The following OPCML variants were observed in gnomAD, a reference collection of about 807,000 sequenced individuals.
The protein encoded by OPCML is opioid binding protein/cell adhesion molecule like.
A neutral mutation model predicts 37.8 loss-of-function variants in OPCML; 13 were observed. The observed-to-expected ratio is 0.34, with a 90% CI of 0.22 to 0.55. The LOEUF (loss-of-function observed/expected upper bound fraction) is 0.55, where lower values mean the gene tolerates loss of function less well. Among genes scored for constraint, OPCML ranks in the 20% least tolerant of loss-of-function variants. The pLI is 0.91. For synonymous variants in OPCML, 176 were observed against 168.8 expected, an observed-to-expected ratio of 1.04 and a Z score of -0.33; for missense variants, 341 against 435.6, an observed-to-expected ratio of 0.78 and a Z score of 1.93.
At chr11:133,068,968 C>T (rs1014595325) in intron 1 of OPCML, among the ~76,000 whole-genome samples, 3 of 152,160 alleles carry the variant, frequency 2.0e-5, no homozygotes, top group African/African-American at 7.2e-5. Context: ...CAAACAGAAT[C>T]AGGAGAGAGT....
chr11:132,690,272 G>C (rs1943345261), intron 2 of OPCML, among the ~76,000 whole-genome samples: 1 of 152,162 alleles, frequency 6.6e-6, no homozygotes, highest in South Asian at 2.1e-4. Context: ...GTGCATCCGA[G>C]TCATCTGGAA....
intron 2 of OPCML, among the ~76,000 whole-genome samples, chr11:132,840,986 T>G (rs967633727): frequency 6.6e-6 from 1 of 152,122 alleles, no homozygotes; most frequent in African/African-American, 2.4e-5. Context: ...GGCTGTGTGA[T>G]CTTAGGGATG....
At chr11:132,446,242 G>A (rs368501299) in intron 4 of OPCML, among the ~76,000 whole-genome samples, 60 of 150,638 alleles carry the variant, frequency 4.0e-4, no homozygotes, top group African/African-American at 1.4e-3. Context: ...AAACAGCCAG[G>A]GTACCTGTGA....
At chr11:132,994,066 C>A (rs117982008) in intron 1 of OPCML, among the ~76,000 whole-genome samples, 1 of 152,366 alleles carries the variant, frequency 6.6e-6, no homozygotes, top group East Asian at 1.9e-4. Context: ...CATCAGGACA[C>A]CAGCCTTGTG....
chr11:132,550,082 C>G (rs1007451477), intron 3 of OPCML, among the ~76,000 whole-genome samples: 3 of 152,120 alleles, frequency 2.0e-5, no homozygotes, highest in African/African-American at 7.2e-5. Context: ...AAGAACCCTC[C>G]CTTGGGGTTT....
chr11:133,526,941 C>T (rs1047539087), intron 1 of OPCML, among the ~76,000 whole-genome samples: 2 of 152,230 alleles, frequency 1.3e-5, no homozygotes, highest in Non-Finnish European at 2.9e-5. Context: ...TGCTAACATC[C>T]ACTGCTCCTG....
At position 132,943,658 on chromosome 11, in the gene OPCML, A is replaced by T. The variant is rs1305613718; in HGVS notation, c.62-648T>A. On this transcript the variant is annotated intron_variant, in intron 1 of 7. Coordinates refer to ENST00000524381, the MANE Select transcript of OPCML (RefSeq NM_001012393.5). This position sits in a 1 kb window ranked among gnomAD's most constrained non-coding sequence, Gnocchi z 4.3. ...CATCTGGAACCCCAAGGCGGCAAAA[A>T]GTTCCAAGGCGGGGACGCGCAGCCG... 1 of 153,104 alleles carries T rather than the reference A, an allele frequency of 6.5e-6. No individual in the cohort carries two copies. The allele number at this position is 153,104 out of a possible 1,614,324, so 9.5% of individuals were successfully genotyped here. A position where few individuals can be genotyped will look rare whatever the true frequency, so the allele number is the denominator to read the frequency against.
intron 3 of OPCML, among the ~76,000 whole-genome samples, chr11:132,554,260 TTTAA>T (rs1206220663): frequency 6.6e-6 from 1 of 152,204 alleles, no homozygotes; most frequent in African/African-American, 2.4e-5. Flanking sequence ...TTTATCTGGT[TTTAA>T]TTTGAGTGCA....
At chr11:132,769,465 A>G (rs1171539753) in intron 2 of OPCML, among the ~76,000 whole-genome samples, 1 of 152,096 alleles carries the variant, frequency 6.6e-6, no homozygotes, top group African/African-American at 2.4e-5. Flanking sequence ...CACTCACTCA[A>G]CAAGACAAAG....
chr11:133,281,432 T>C, intron 1 of OPCML, among the ~76,000 whole-genome samples: 1 of 152,098 alleles, frequency 6.6e-6, no homozygotes, highest in Non-Finnish European at 1.5e-5. Context: ...TGGGTCCCTG[T>C]CACCTTCTGC....
chr11:133,492,181 G>A (rs1482071432), intron 1 of OPCML, among the ~76,000 whole-genome samples: 1 of 152,160 alleles, frequency 6.6e-6, no homozygotes, highest in Non-Finnish European at 1.5e-5. Flanking sequence ...TGAGTGGACA[G>A]GAAGGGAAGA....
intron 1 of OPCML, among the ~76,000 whole-genome samples, chr11:133,172,215 G>A (rs1592070892): frequency 6.6e-6 from 1 of 152,160 alleles, no homozygotes; most frequent in East Asian, 1.9e-4. Context: ...AGGCTCTGGG[G>A]ACACGAGGTG....
chr11:133,364,606 T>TA (rs1944499620), intron 1 of OPCML, among the ~76,000 whole-genome samples: 1 of 152,118 alleles, frequency 6.6e-6, no homozygotes, highest in South Asian at 2.1e-4. Context: ...CGTAAAAAGG[T>TA]AAAACAAACC....
At chr11:133,342,587 G>A (rs950245113) in intron 1 of OPCML, among the ~76,000 whole-genome samples, 5 of 152,316 alleles carry the variant, frequency 3.3e-5, no homozygotes, top group Non-Finnish European at 5.9e-5. Context: ...AGAGGGACCC[G>A]TGCGGAGGTT....
chr11:132,430,957 T>C (rs553764275), intron 7 of OPCML, among the ~76,000 whole-genome samples: 11 of 151,588 alleles, frequency 7.3e-5, no homozygotes, highest in African/African-American at 1.2e-4. Flanking sequence ...ACAAAGGGGG[T>C]TGGCGAACTG....
Position 133,336,019 on chromosome 11 carries a change from C to G in OPCML, c.61+196245G>C, listed in dbSNP as rs565312120. ...GAAAGGAGGAACCAATAAAGCATGC[C>G]AGGATGCCTATCCCAGGATGAAACT... On this transcript the variant is annotated intron_variant, in intron 1 of 7. Coordinates refer to ENST00000524381, the MANE Select transcript of OPCML (RefSeq NM_001012393.5). 2.6e-5 allele frequency among the ~76,000 whole-genome samples: 4 copies of G among 152,062 alleles called. 1 individual carries two copies. The highest frequency in any genetic ancestry group is 4.4e-5 in the Non-Finnish European group (3 of 68,008).
chr11:132,921,917 T>C (rs1455598487), intron 2 of OPCML, among the ~76,000 whole-genome samples: 1 of 152,088 alleles, frequency 6.6e-6, no homozygotes, highest in Non-Finnish European at 1.5e-5. Context: ...TCTCGCTCTA[T>C]CACCCAGGCT....
chr11:132,921,902 C>A (rs1944818411), intron 2 of OPCML, among the ~76,000 whole-genome samples: 1 of 151,618 alleles, frequency 6.6e-6, no homozygotes, highest in East Asian at 1.9e-4. Context: ...TTTTTTGAGA[C>A]AGAGTCTCGC....
Position 132,811,617 on chromosome 11 carries a change from G to A in OPCML, c.146+131309C>T, listed in dbSNP as rs180762934. On this transcript the variant is annotated intron_variant, in intron 2 of 7. Transcript: ENST00000524381. Reference sequence around the variant, plus strand: ...ATATTTATAGCTTTGTTCCATATCGGAGTGAGAACAGAGACAGATCCTATG... The same window carrying A: ...ATATTTATAGCTTTGTTCCATATCGAAGTGAGAACAGAGACAGATCCTATG... Among the ~76,000 whole-genome samples, 657 of 152,214 alleles carry A rather than the reference G, an allele frequency of 4.3e-3. 27 individuals carry two copies. The highest frequency in any genetic ancestry group is 0.039 in the Admixed American group (596 of 15,276).
Sources: gnomAD v4.1 joint callset for allele counts (sites outside exome capture counted in the v4.1 genomes callset) on GRCh38, gnomAD v4.1.1 for gene constraint, Gnocchi (gnomAD v3.1) non-coding constraint, MANE v1.5 for transcripts, NCBI Gene and HGNC (gene_info 2026-07-23, HGNC 2026-07-21) for gene names.